The following PXK variants were observed in gnomAD, a reference collection of about 807,000 sequenced individuals.
PXK encodes PX domain-containing protein kinase-like protein.
A neutral mutation model predicts 84.7 loss-of-function variants in PXK; 35 were observed. The observed-to-expected ratio is 0.41, with a 90% CI of 0.32 to 0.55. PXK has a LOEUF of 0.55. Ranked by LOEUF, PXK falls within the 20% of genes least tolerant of loss-of-function variation. PXK has a pLI of 0.21. For missense variants in PXK, 634 were observed against 699.7 expected, an observed-to-expected ratio of 0.91 and a Z score of 1.06; for synonymous variants, 253 against 260.8, an observed-to-expected ratio of 0.97 and a Z score of 0.29.
chr3:58,389,443 T>C (rs1041511250), intron 4 of PXK, among the ~76,000 whole-genome samples: 1 of 152,168 alleles, frequency 6.6e-6, no homozygotes, highest in African/African-American at 2.4e-5. Context: ...TATTTTAGAT[T>C]TTCCAGTTTT....
chr3:58,374,002 A>C (rs1194273841), intron 3 of PXK, among the ~76,000 whole-genome samples: 3 of 123,848 alleles, frequency 2.4e-5, no homozygotes, highest in African/African-American at 6.1e-5. Flanking sequence ...CCGAGATCGC[A>C]CACTGCACTC....
chr3:58,390,432 T>G lies in PXK; in HGVS notation c.389-150T>G. ...CCACATTGCATTTAGTTTGTGTGTA[T>G]TTTCTTTCTTTATTATTATTTTTTT... is the stretch of plus-strand genomic sequence containing the variant. On this transcript the variant is annotated intron_variant, in intron 4 of 17. Transcript: ENST00000356151. This position sits in a 1 kb window ranked among gnomAD's most constrained non-coding sequence, Gnocchi z 4.2. 1 of 464,374 alleles carries G rather than the reference T, an allele frequency of 2.2e-6. No individual in the cohort carries two copies. The highest frequency in any genetic ancestry group is 3.3e-5 in the East Asian group (1 of 30,184). The allele number at this position is 464,374 out of a possible 1,614,324, so 28.8% of individuals were successfully genotyped here.
At chr3:58,342,477 A>G (rs2097753722) in intron 1 of PXK, among the ~76,000 whole-genome samples, 1 of 152,012 alleles carries the variant, frequency 6.6e-6, no homozygotes, top group Admixed American at 6.6e-5. Flanking sequence ...TCTACTAAAA[A>G]TACAAAGATT....
chr3:58,424,789 A>G lies in PXK; in HGVS notation c.1566A>G (p.Pro522=). The change falls in exon 18 of 18, where the codon CCA becomes CCG. Residue 522 remains proline (P), a synonymous_variant. Coordinates refer to ENST00000356151, the MANE Select transcript of PXK (RefSeq NM_017771.5). ...SALPPPPPPP[P]PPAAPLPPAS... ...TACCTCCACCTCCTCCACCTCCACC[A>G]CCACCAGCAGCTCCCTTGCCTCCTG... 1 of 1,613,970 alleles carries G rather than the reference A, an allele frequency of 6.2e-7. No homozygotes were observed. The highest frequency in any genetic ancestry group is 8.5e-7 in the Non-Finnish European group (1 of 1,179,984).
chr3:58,353,007 T>A (rs573593149), intron 1 of PXK, among the ~76,000 whole-genome samples: 21 of 152,000 alleles, frequency 1.4e-4, no homozygotes, highest in Admixed American at 5.9e-4. Context: ...ATTAGATTTT[T>A]TTTTTTTGAG....
At position 58,412,707 on chromosome 3, in the gene PXK, G is replaced by A. The variant is rs536538284; in HGVS notation, c.1466-194G>A. On this transcript the variant is annotated intron_variant, in intron 16 of 17. Transcript: ENST00000356151. This position sits in a 1 kb window ranked among gnomAD's most constrained non-coding sequence, Gnocchi z 6.2. ...GAGCTTTTAGTGGCTTGGGGAAGGA[G>A]GTGGACCCTGCACCAGAGTAAAAGC... 1.6e-4 allele frequency among the ~76,000 whole-genome samples: 25 copies of A among 152,298 alleles called. No homozygotes were observed. The highest frequency in any genetic ancestry group is 9.8e-4 in the Admixed American group (15 of 15,304).
At position 58,397,546 on chromosome 3, in the gene PXK, C is replaced by A; in HGVS notation, c.985-59C>A. 2 of 1,377,590 alleles carry A rather than the reference C, an allele frequency of 1.5e-6. No homozygotes were observed. The highest frequency in any genetic ancestry group is 2.1e-6 in the Non-Finnish European group (2 of 965,530). 85.3% of individuals were successfully genotyped at this position (1,377,590 alleles called of 1,614,324 possible). ...TCTCAGAGAAGCCTTGGGGCAGGAG[C>A]GCGAGGGTCCACAAAGCCAAAGTGA... is the stretch of plus-strand genomic sequence containing the variant. On this transcript the variant is annotated intron_variant, in intron 10 of 17. Coordinates refer to ENST00000356151, the MANE Select transcript of PXK (RefSeq NM_017771.5). This position sits in a 1 kb window ranked among gnomAD's most constrained non-coding sequence, Gnocchi z 4.7.
Position 58,395,652 on chromosome 3 carries a change from C to G in PXK, c.721-6C>G. The stretch of plus-strand genomic sequence containing the variant: ...TTTCTTACGTGTTCTTTGTTCTTTT[C>G]CAAAGGCAAAACCAAAAGACCCATT... On this transcript the variant is annotated splice_polypyrimidine_tract_variant and splice_region_variant and intron_variant, in intron 8 of 17. Transcript: ENST00000356151. 1 of 1,606,094 alleles carries G rather than the reference C, an allele frequency of 6.2e-7. No homozygotes were observed. Among genetic ancestry groups the G allele is most frequent in the Non-Finnish European group, 8.5e-7 (1 of 1,173,946 alleles).
At chr3:58,403,777 C>A in intron 12 of PXK, 85 bp from the exon 13 acceptor site, 1 of 787,542 alleles carries the variant, frequency 1.3e-6, no homozygotes, top group Non-Finnish European at 2.0e-6. Flanking sequence ...ACCTCATGGG[C>A]TAAAGGTGTC....
At chr3:58,391,058 C>G (rs193011331) in intron 5 of PXK, 89 bp from the exon 6 acceptor site, 18 of 956,798 alleles carry the variant, frequency 1.9e-5, no homozygotes, top group Admixed American at 7.6e-5. Flanking sequence ...TATTGCCAAA[C>G]TTAATTTTTC....
chr3:58,403,707 T>G (rs2058960686), intron 12 of PXK, among the ~76,000 whole-genome samples, 155 bp from the exon 13 acceptor site: 1 of 152,196 alleles, frequency 6.6e-6, no homozygotes, highest in Non-Finnish European at 1.5e-5. Context: ...TTGCATTTGT[T>G]AATGAACATG....
chr3:58,350,012 A>G (rs2097893115), intron 1 of PXK, among the ~76,000 whole-genome samples: 3 of 152,210 alleles, frequency 2.0e-5, no homozygotes, highest in Non-Finnish European at 4.4e-5. Flanking sequence ...AACCGTTATT[A>G]GTACCTTGGG....
intron 17 of PXK, chr3:58,423,303 A>G (rs1459152755): frequency 3.1e-6 from 3 of 966,574 alleles, no homozygotes; most frequent in South Asian, 4.8e-5. Context: ...CCACCTTAGC[A>G]TAAAACATAA....
intron 17 of PXK, among the ~76,000 whole-genome samples, chr3:58,419,429 T>A (rs567874864): frequency 5.7e-4 from 87 of 152,312 alleles, no homozygotes; most frequent in South Asian, 1.0e-3. Flanking sequence ...TTTTTTGTAG[T>A]TTTAGTAGAC....
At chr3:58,366,154 A>G (rs1047330208) in intron 2 of PXK, among the ~76,000 whole-genome samples, 48 of 152,158 alleles carry the variant, frequency 3.2e-4, no homozygotes, top group African/African-American at 1.1e-3. Flanking sequence ...GAGGGTATCT[A>G]GGAATTTGTT....
Position 58,399,321 on chromosome 3 carries a change from G to A in PXK, c.1125G>A (p.Leu375=). ...MAVVAVLEST[L]SCEACKNGMP... is the part of the protein sequence containing the mutation. ...AAGTGGCCGTGTTGGAGTCTACGCT[G>A]TCTTGTGAAGCCTGTAAAAATGGCA... The change falls in exon 12 of 18, where the codon CTG becomes CTA. Residue 375 remains leucine (L), a synonymous_variant. Transcript: ENST00000356151. This position sits in a 1 kb window ranked among gnomAD's most constrained non-coding sequence, Gnocchi z 4.3. 6.2e-7 allele frequency: 1 copy of A among 1,614,200 alleles called. No individual in the cohort carries two copies.
intron 1 of PXK, among the ~76,000 whole-genome samples, chr3:58,340,905 G>C (rs2097717378): frequency 6.6e-6 from 1 of 152,026 alleles, no homozygotes; most frequent in Non-Finnish European, 1.5e-5. Context: ...GGGGGAAATG[G>C]ATCCCATTTT....
rs780602891 is a variant in PXK at position 58,395,069 on chromosome 3, C to T, written c.687C>T (p.Asn229=). The T allele has an allele frequency of 1.5e-5, 24 of 1,612,752 alleles. No homozygotes were observed. Among genetic ancestry groups the T allele is most frequent in the Admixed American group, 1.2e-4 (7 of 59,986 alleles). ...ESSALLIRMF[N]EKGTLKDLIY... ...CAGCGTTGCTAATTAGGATGTTTAA[C>T]GAAAAGGGAACATTGAAGGATCTGA... Residue 229 remains asparagine, a synonymous_variant, in exon 8 of 18, where the codon AAC becomes AAT. Coordinates refer to ENST00000356151, the MANE Select transcript of PXK (RefSeq NM_017771.5).
intron 2 of PXK, among the ~76,000 whole-genome samples, chr3:58,368,955 A>T (rs1022269124): frequency 6.6e-6 from 1 of 152,232 alleles, no homozygotes; most frequent in African/African-American, 2.4e-5. Flanking sequence ...TATGTGTGGC[A>T]GCTCTGCCTG....
Sources: allele counts gnomAD v4.1 joint callset (sites outside exome capture counted in the v4.1 genomes callset), GRCh38; gene constraint gnomAD v4.1.1; non-coding constraint Gnocchi (gnomAD v3.1); transcripts MANE v1.5; gene names NCBI Gene and HGNC (gene_info 2026-07-23, HGNC 2026-07-21).